ZSCAN25: variants seen among roughly 807,000 people sequenced by gnomAD.
The protein encoded by ZSCAN25 is zinc finger and SCAN domain-containing protein 25.
In ZSCAN25, 27 loss-of-function variants were observed where a neutral mutation model predicts 38.7. The observed-to-expected ratio is 0.70, with a 90% CI of 0.51 to 0.96. The LOEUF (loss-of-function observed/expected upper bound fraction) is 0.96. ZSCAN25 is among the 40% of genes least tolerant of loss of function. The probability of loss-of-function intolerance (pLI) is 0.00; values close to 1 mark genes in which losing one functional copy is unlikely to be tolerated. For synonymous variants in ZSCAN25, 273 were observed against 277.7 expected (o/e 0.98, Z 0.17); for missense variants, 637 against 705.9 (o/e 0.90, Z 1.11).
At chr7:99,641,358 GC>G in the ZSCAN25 span, among the ~76,000 whole-genome samples, 1 of 152,152 alleles carries the variant, frequency 6.6e-6, no homozygotes, top group Non-Finnish European at 1.5e-5. Flanking sequence ...CATGAGAACA[GC>G]ATGCGGGTAA....
At chr7:99,676,144 A>T in the ZSCAN25 span, 50 of 1,613,568 alleles carry the variant, frequency 3.1e-5, no homozygotes, top group Middle Eastern at 1.6e-4. Context: ...TTTCCCAACA[A>T]AGGCAGAGGT....
In ZSCAN25 at chr7:99,622,614, G is replaced by A; in HGVS notation, c.655G>A (p.Ala219Thr). 6.2e-7 allele frequency: 1 copy of A among 1,614,212 alleles called. No homozygotes were observed. The highest frequency in any genetic ancestry group is 8.5e-7 in the Non-Finnish European group (1 of 1,180,022). ...AVNPRDQEMA[A>T]GFFTAGSQGL... ...GAATCCCAGAGACCAAGAGATGGCA[G>A]CTGGGTTCTTTACTGCTGGATCGCA... is the stretch of plus-strand genomic sequence containing the variant. Residue 219 changes from alanine to threonine, a missense_variant, in exon 6 of 8, where the codon GCT becomes ACT. Physicochemically the swap from Ala to Thr is moderately conservative, Grantham distance 58. Coordinates refer to ENST00000394152, the MANE Select transcript of ZSCAN25 (RefSeq NM_145115.3).
the ZSCAN25 span, chr7:99,659,870 G>C: frequency 6.6e-6 from 1 of 152,558 alleles, no homozygotes; most frequent in African/African-American, 2.4e-5. Flanking sequence ...AGGACCCTCC[G>C]AGCCATGCGC....
At chr7:99,711,020 C>T in the ZSCAN25 span, 5 of 1,485,974 alleles carry the variant, frequency 3.4e-6, no homozygotes, top group Admixed American at 1.9e-5. Flanking sequence ...TTCAGAGTCT[C>T]ACTGGGGGTG....
chr7:99,669,668 A>T, the ZSCAN25 span, among the ~76,000 whole-genome samples: 25 of 152,350 alleles, frequency 1.6e-4, no homozygotes, highest in South Asian at 1.9e-3. Context: ...GACACTACAG[A>T]TACGGCACAA....
the ZSCAN25 span, among the ~76,000 whole-genome samples, chr7:99,682,324 G>C: frequency 2.6e-5 from 4 of 152,272 alleles, no homozygotes; most frequent in African/African-American, 4.8e-5. Context: ...TGAGATACAG[G>C]GTTCTAGTTT....
chr7:99,690,412 A>G, the ZSCAN25 span, among the ~76,000 whole-genome samples: 4 of 152,350 alleles, frequency 2.6e-5, no homozygotes, highest in South Asian at 8.3e-4. Context: ...TAAAACACCA[A>G]AAGCAATGGC....
At chr7:99,623,270 G>A (rs1807157881) in intron 6 of ZSCAN25, among the ~76,000 whole-genome samples, 1 of 152,234 alleles carries the variant, frequency 6.6e-6, no homozygotes, top group Admixed American at 6.5e-5. Context: ...GCAGGAATGT[G>A]GCTGACTCAG....
At chr7:99,634,287 T>C (rs1808178941), downstream of ZSCAN25, among the ~76,000 whole-genome samples, 1 of 152,182 alleles carries the variant, frequency 6.6e-6, no homozygotes, top group African/African-American at 2.4e-5. Context: ...TGCAGGCTGA[T>C]TATGCTTAAA....
At chr7:99,684,611 T>G in the ZSCAN25 span, among the ~76,000 whole-genome samples, 3 of 152,242 alleles carry the variant, frequency 2.0e-5, no homozygotes, top group Admixed American at 2.0e-4. Flanking sequence ...CACATATATT[T>G]ACTTGTTGGT....
the ZSCAN25 span, among the ~76,000 whole-genome samples, chr7:99,729,793 C>G: frequency 1.3e-5 from 2 of 152,128 alleles, no homozygotes; most frequent in Non-Finnish European, 2.9e-5. Context: ...CTGCTTACCC[C>G]ACTCCTATAA....
Position 99,629,783 on chromosome 7 carries a change from C to G in ZSCAN25, c.1398C>G (p.Ser466Arg). 1.2e-6 allele frequency: 2 copies of G among 1,614,248 alleles called. No homozygotes were observed. Among genetic ancestry groups the G allele is most frequent in the Non-Finnish European group, 1.7e-6 (2 of 1,180,032 alleles). The change falls in exon 8 of 8, where the codon AGC becomes AGG. Residue 466 changes from serine to arginine, a missense_variant. Physicochemically the swap from Ser to Arg is moderately radical, Grantham distance 110. Coordinates refer to ENST00000394152, the MANE Select transcript of ZSCAN25 (RefSeq NM_145115.3). The surrounding 1 kb of genome is among the most constrained non-coding windows in gnomAD (Gnocchi z 5.6). Reference protein sequence around the residue: ...EKPYTCECGKSFSRNANLAVH... With the variant: ...EKPYTCECGKRFSRNANLAVH... ...CCTACACCTGCGAGTGTGGCAAGAGCTTCAGCAGGAATGCCAATCTGGCGG... is the reference window on the plus strand; with the variant it reads ...CCTACACCTGCGAGTGTGGCAAGAGGTTCAGCAGGAATGCCAATCTGGCGG...
chr7:99,649,862 A>G, the ZSCAN25 span, among the ~76,000 whole-genome samples: 3 of 151,890 alleles, frequency 2.0e-5, no homozygotes, highest in Non-Finnish European at 4.4e-5. Context: ...TAATCATGTC[A>G]TGCTAATCTG....
chr7:99,663,064 G>C, the ZSCAN25 span: 1 of 1,333,826 alleles, frequency 7.5e-7, no homozygotes, highest in Non-Finnish European at 9.6e-7. Context: ...TTGGAAAGCA[G>C]GATGTTTTCC....
chr7:99,708,496 CTAA>C, the ZSCAN25 span, among the ~76,000 whole-genome samples: 4 of 152,028 alleles, frequency 2.6e-5, no homozygotes, highest in Admixed American at 2.0e-4. Context: ...CCTCCTTCTT[CTAA>C]TCTCCATCTC....
At chr7:99,663,955 C>T in the ZSCAN25 span, 4 of 1,575,546 alleles carry the variant, frequency 2.5e-6, no homozygotes, top group Non-Finnish European at 3.4e-6. Context: ...ATTTAACCAC[C>T]ATCAGATTTT....
chr7:99,686,558 C>T, the ZSCAN25 span, among the ~76,000 whole-genome samples: 1 of 152,248 alleles, frequency 6.6e-6, no homozygotes, highest in South Asian at 2.1e-4. Flanking sequence ...CTGCCTGCCT[C>T]TTTAGGCTCC....
chr7:99,701,294 T>G, the ZSCAN25 span, among the ~76,000 whole-genome samples: 1 of 152,230 alleles, frequency 6.6e-6, no homozygotes, highest in Non-Finnish European at 1.5e-5. Context: ...CATGCTTTTT[T>G]CATGGCTGAA....
chr7:99,664,117 C>T, the ZSCAN25 span: 6 of 1,544,118 alleles, frequency 3.9e-6, 1 homozygote, highest in Non-Finnish European at 1.7e-6. Flanking sequence ...ACAAAACAAA[C>T]AAAAGGAAAT....
Sources: allele counts gnomAD v4.1 joint callset (sites outside exome capture counted in the v4.1 genomes callset), GRCh38; gene constraint gnomAD v4.1.1; non-coding constraint Gnocchi (gnomAD v3.1); transcripts MANE v1.5; gene names NCBI Gene and HGNC (gene_info 2026-07-23, HGNC 2026-07-21).